The following HNRNPUL1 variants were observed in gnomAD, a reference collection of about 807,000 sequenced individuals.
HNRNPUL1 encodes the protein heterogeneous nuclear ribonucleoprotein U-like protein 1.
HNRNPUL1 carries 14 observed loss-of-function variants against 108.5 expected under a neutral mutation model. That is an observed-to-expected ratio of 0.13 (90% CI 0.09 to 0.20). The LOEUF (loss-of-function observed/expected upper bound fraction) is 0.20. HNRNPUL1 is among the 10% of genes least tolerant of loss of function. HNRNPUL1 has a pLI of 1.00. For synonymous variants in HNRNPUL1, 422 were observed against 445.2 expected (o/e 0.95, Z 0.66); for missense variants, 804 against 1,168.3 (o/e 0.69, Z 4.55).
chr19:41,276,178 C>T lies in HNRNPUL1; in HGVS notation c.666C>T (p.Phe222=). ...AIDTYNCDLH[F]KVARDRSSGY... is the part of the protein sequence containing the mutation. ...TCACAGATAACTGCGACCTCCACTT[C>T]AAGGTGGCCCGAGATCGGAGTAGTG... The change falls in exon 5 of 15, where the codon TTC becomes TTT. Residue 222 remains phenylalanine (F), a synonymous_variant. Transcript: ENST00000392006. 1 of 1,614,000 alleles carries T rather than the reference C, an allele frequency of 6.2e-7. No homozygotes were observed. Among genetic ancestry groups the T allele is most frequent in the South Asian group, 1.1e-5 (1 of 91,062 alleles).
intron 7 of HNRNPUL1, chr19:41,286,389 T>C (rs1474780120): frequency 6.6e-6 from 1 of 152,234 alleles, no homozygotes; most frequent in East Asian, 1.9e-4. Flanking sequence ...ATGTCTTCAT[T>C]ACTTTGGTCT....
intron 10 of HNRNPUL1, among the ~76,000 whole-genome samples, chr19:41,300,977 A>G (rs1599849888): frequency 6.6e-6 from 1 of 152,250 alleles, no homozygotes. Context: ...TAGGTATTAC[A>G]CAGCCATTAA....
chr19:41,269,063 T>A (rs1261985152), intron 2 of HNRNPUL1, among the ~76,000 whole-genome samples: 2 of 151,954 alleles, frequency 1.3e-5, no homozygotes, highest in Non-Finnish European at 2.9e-5. Context: ...GCCAAATGTG[T>A]CTGGAAACTG....
chr19:41,292,296 T>C lies in HNRNPUL1; in HGVS notation c.1051T>C (p.Trp351Arg), dbSNP rs748818271. ...VELSFTKNGK[W>R]MGIAFRIQKE... ...ACTGTCTTTTACCAAGAATGGAAAG[T>C]GGATGGGCATTGCTTTCCGAATCCA... The change falls in exon 8 of 15, where the codon TGG becomes CGG. Residue 351 changes from tryptophan to arginine, a missense_variant. By Grantham distance (101) the Trp-to-Arg change is moderately radical. Coordinates refer to ENST00000392006, the MANE Select transcript of HNRNPUL1 (RefSeq NM_007040.6). The surrounding 1 kb of genome is among the most constrained non-coding windows in gnomAD (Gnocchi z 4.1). 1.2e-6 allele frequency: 2 copies of C among 1,614,064 alleles called. No homozygotes were observed. The highest frequency in any genetic ancestry group is 1.7e-6 in the Non-Finnish European group (2 of 1,180,022).
chr19:41,265,223 T>G (rs1599755365), intron 1 of HNRNPUL1: 2 of 1,498,638 alleles, frequency 1.3e-6, no homozygotes, highest in East Asian at 2.6e-5. Flanking sequence ...GGCTGGGGGG[T>G]GGGGAGCCGT....
At chr19:41,303,044 G>T (rs1340133089) in intron 12 of HNRNPUL1, 95 bp downstream of exon 12, 1 of 1,351,980 alleles carries the variant, frequency 7.4e-7, no homozygotes, top group Non-Finnish European at 1.0e-6. Context: ...AGTTTTCTGA[G>T]CTCCAGCTGT....
intron 10 of HNRNPUL1, among the ~76,000 whole-genome samples, chr19:41,297,698 C>T (rs2036970129): frequency 6.6e-6 from 1 of 152,158 alleles, no homozygotes; most frequent in South Asian, 2.1e-4. Flanking sequence ...CTGGGAGTTC[C>T]GTTAGAGGGC....
intron 6 of HNRNPUL1, among the ~76,000 whole-genome samples, 190 bp downstream of exon 6, chr19:41,279,366 A>G (rs1261884867): frequency 6.6e-6 from 1 of 152,232 alleles, no homozygotes; most frequent in Non-Finnish European, 1.5e-5. Context: ...GACTATGGTC[A>G]TGAAACAACT....
intron 7 of HNRNPUL1, among the ~76,000 whole-genome samples, chr19:41,284,320 A>T: frequency 6.6e-6 from 1 of 152,358 alleles, no homozygotes; most frequent in Non-Finnish European, 1.5e-5. Context: ...TCCCGAAGCC[A>T]TCACTACTGC....
chr19:41,265,135 G>T, intron 1 of HNRNPUL1: 1 of 1,423,482 alleles, frequency 7.0e-7, no homozygotes, highest in Admixed American at 2.9e-5. Context: ...TTCCGTTTGG[G>T]TTGGGGAGGG....
At chr19:41,293,259 T>G (rs2036695225) in intron 8 of HNRNPUL1, among the ~76,000 whole-genome samples, 1 of 152,260 alleles carries the variant, frequency 6.6e-6, no homozygotes, top group African/African-American at 2.4e-5. Context: ...TAAGTTTACT[T>G]GCAGAGTTTT....
At chr19:41,269,194 G>A (rs1022547483) in intron 2 of HNRNPUL1, among the ~76,000 whole-genome samples, 5 of 151,860 alleles carry the variant, frequency 3.3e-5, no homozygotes, top group Admixed American at 3.3e-4. Context: ...GGCCAGGTGC[G>A]CTGGCTCATA....
At chr19:41,295,816 G>A (rs1452589704) in intron 10 of HNRNPUL1, among the ~76,000 whole-genome samples, 6 of 152,146 alleles carry the variant, frequency 3.9e-5, no homozygotes, top group South Asian at 2.1e-4. Flanking sequence ...GAAAGGAATC[G>A]CCAGAGACCG....
At chr19:41,291,138 C>T (rs1329393605) in intron 7 of HNRNPUL1, among the ~76,000 whole-genome samples, 1 of 152,190 alleles carries the variant, frequency 6.6e-6, no homozygotes, top group East Asian at 1.9e-4. Context: ...CATGGCTCTT[C>T]AGCTGTTCCT....
intron 5 of HNRNPUL1, among the ~76,000 whole-genome samples, chr19:41,277,096 C>CAAAAAAAAAAAAAA (rs569222478): frequency 9.9e-6 from 1 of 101,486 alleles, no homozygotes; most frequent in African/African-American, 3.5e-5. Context: ...GACTCTGTCT[C>CAAAAAAAAAAAAAA]AAAAAAAAAA....
chr19:41,306,323 T>A, intron 14 of HNRNPUL1, 126 bp from the exon 15 acceptor site: 1 of 629,116 alleles, frequency 1.6e-6, no homozygotes, highest in Non-Finnish European at 2.8e-6. Context: ...GATTTCTCTG[T>A]CAGGGGACCT....
At chr19:41,270,593 C>CA (rs1480961616) in intron 2 of HNRNPUL1, among the ~76,000 whole-genome samples, 1 of 118,830 alleles carries the variant, frequency 8.4e-6, no homozygotes, top group African/African-American at 3.5e-5. Context: ...TCTCCCTTCC[C>CA]TTTTTTTTTT....
rs534610431 is a variant in HNRNPUL1 at position 41,284,628 on chromosome 19, G to A, written c.999+3353G>A. On this transcript the variant is annotated intron_variant, in intron 7 of 14. Transcript: ENST00000392006. ...TGATTGGCCCACTGCACTCCAGCCT[G>A]GATGACAGAATGAGACTCTGTCTCA... Among the ~76,000 whole-genome samples the A allele has an allele frequency of 3.7e-4, 56 of 152,212 alleles. 1 individual carries two copies. Among genetic ancestry groups the A allele is most frequent in the Non-Finnish European group, 5.9e-4 (40 of 68,012 alleles).
chr19:41,265,434 G>A, intron 1 of HNRNPUL1: 1 of 1,405,218 alleles, frequency 7.1e-7, no homozygotes, highest in Non-Finnish European at 9.4e-7. Flanking sequence ...TGGCTAGTGA[G>A]CATTTAGGGG....
Sources: gnomAD v4.1 joint callset for allele counts (sites outside exome capture counted in the v4.1 genomes callset) on GRCh38, gnomAD v4.1.1 for gene constraint, Gnocchi (gnomAD v3.1) non-coding constraint, MANE v1.5 for transcripts, NCBI Gene and HGNC (gene_info 2026-07-23, HGNC 2026-07-21) for gene names.